Variants in CDKL5 observed in about 807,000 individuals in gnomAD.
CDKL5 encodes the protein cyclin dependent kinase like 5.
A neutral mutation model predicts 61.7 loss-of-function variants in CDKL5; 8 were observed. The observed-to-expected ratio is 0.13, with a 90% CI of 0.08 to 0.23. The LOEUF (loss-of-function observed/expected upper bound fraction) is 0.23. Ranked by LOEUF, CDKL5 falls within the 10% of genes least tolerant of loss-of-function variation. The pLI is 1.00. For missense variants in CDKL5, 440 were observed against 734.5 expected (o/e 0.60, Z 4.63); for synonymous variants, 275 against 272.3 (o/e 1.01, Z -0.10).
At chrX:18,511,095 A>G (rs1569198957) in intron 3 of CDKL5, among the ~76,000 whole-genome samples, 3 of 111,830 alleles carry the variant, frequency 2.7e-5, no homozygotes, top group Admixed American at 9.5e-5. Flanking sequence ...TACTTAATAC[A>G]TATAGCTTGA....
chrX:18,649,470 TG>T (rs1927938005), intron 20 of CDKL5, among the ~76,000 whole-genome samples: 1 of 111,868 alleles, frequency 8.9e-6, no homozygotes, highest in Non-Finnish European at 1.9e-5. Flanking sequence ...GAGACGGCCA[TG>T]CCCTGTCCCC....
chrX:18,613,628 A>G (rs1926633703), intron 15 of CDKL5, among the ~76,000 whole-genome samples: 1 of 111,725 alleles, frequency 9.0e-6, no homozygotes, highest in Non-Finnish European at 1.9e-5. Flanking sequence ...GTCAGTTCTC[A>G]TAGTCACACT....
chrX:18,581,305 T>C (rs1925474074), intron 6 of CDKL5, among the ~76,000 whole-genome samples: 1 of 111,907 alleles, frequency 8.9e-6, no homozygotes, highest in Admixed American at 9.5e-5. Flanking sequence ...CACATCTTCA[T>C]AACATCCATG....
At chrX:18,487,075 T>C (rs2147077640) in intron 1 of CDKL5, among the ~76,000 whole-genome samples, 1 of 112,271 alleles carries the variant, frequency 8.9e-6, no homozygotes, top group South Asian at 3.7e-4. Flanking sequence ...GTGGTTAGGC[T>C]AAATATTGCA....
chrX:18,593,647 T>C (rs921851004), intron 9 of CDKL5, among the ~76,000 whole-genome samples: 3 of 112,199 alleles, frequency 2.7e-5, no homozygotes, highest in South Asian at 3.7e-4. Flanking sequence ...TGTTTAATTA[T>C]GTAACTTGCC....
At chrX:18,473,888 G>A (rs1921202891) in intron 1 of CDKL5, among the ~76,000 whole-genome samples, 1 of 107,073 alleles carries the variant, frequency 9.3e-6, no homozygotes, top group African/African-American at 3.5e-5. Context: ...GCCATCAGGG[G>A]AACTTCGGTT....
At chrX:18,525,203 A>T (rs965101494) in intron 3 of CDKL5, among the ~76,000 whole-genome samples, 1 of 111,716 alleles carries the variant, frequency 9.0e-6, no homozygotes, top group Non-Finnish European at 1.9e-5. Flanking sequence ...GGGTTCAAGC[A>T]CGTCCTAGTC....
In CDKL5 at chrX:18,591,423, T is replaced by G. The variant is rs767176024; in HGVS notation, c.744+3280T>G. 3.6e-5 allele frequency among the ~76,000 whole-genome samples: 4 copies of G among 111,147 alleles called. No individual in the cohort carries two copies. The South Asian group carries it at 1.5e-3, about 43-fold the overall frequency. On this transcript the variant is annotated intron_variant, in intron 9 of 17. Coordinates refer to ENST00000623535, the MANE Select transcript of CDKL5 (RefSeq NM_001323289.2). ...CATTGAAACTCAACTGTATTTCTTT[T>G]CTCTCCATCTCTCATGCTTCTTTTA...
intron 1 of CDKL5, among the ~76,000 whole-genome samples, chrX:18,494,054 A>G (rs1922080822): frequency 9.0e-6 from 1 of 110,678 alleles, no homozygotes; most frequent in African/African-American, 3.3e-5. Flanking sequence ...AGCTGGGAGT[A>G]GCTGGGACTC....
rs931022845 is a variant in CDKL5, at chrX:18,631,616, G to A, written c.*2859G>A. 6.6e-6 allele frequency: 5 copies of A among 753,842 alleles called. No homozygotes were observed. Among genetic ancestry groups the A allele is most frequent in the Non-Finnish European group, 7.8e-6 (5 of 639,243 alleles). 62.1% of individuals were successfully genotyped at this position (753,842 alleles called of 1,213,427 possible). On this transcript the variant is annotated 3_prime_UTR_variant, in exon 18 of 18. Coordinates refer to ENST00000623535, the MANE Select transcript of CDKL5 (RefSeq NM_001323289.2). ...TTCATGACATCCATGTCCTATTATC[G>A]GCCGTAACTTCCTAAAGAAGAAAAA...
chrX:18,462,140 G>T (rs185523912), intron 1 of CDKL5, among the ~76,000 whole-genome samples: 263 of 102,730 alleles, frequency 2.6e-3, no homozygotes, highest in African/African-American at 9.1e-3. Flanking sequence ...TATTTCCTGT[G>T]TGGCCCAAGA....
rs770132814 is a variant in CDKL5, at chrX:18,647,826, C to T, written c.2797+1736C>T. Among the ~76,000 whole-genome samples, 10 of 110,651 alleles carry T rather than the reference C, an allele frequency of 9.0e-5. 1 individual carries two copies. The highest frequency in any genetic ancestry group is 3.0e-4 in the African/African-American group (9 of 30,331). On this transcript the variant is annotated intron_variant, in intron 20 of 21. Coordinates refer to the CDKL5 transcript ENST00000379989. ...AAACCACAGTGAGACGCAAGAAGGG[C>T]GATGACATATTGAGATATAGAGAAT...
intron 9 of CDKL5, among the ~76,000 whole-genome samples, chrX:18,591,271 C>T (rs1234546585): frequency 2.7e-5 from 3 of 112,097 alleles, no homozygotes; most frequent in Non-Finnish European, 5.6e-5. Context: ...GAATATGTTT[C>T]TCAAGGGCAG....
chrX:18,427,782 T>A (rs1931400063), intron 1 of CDKL5, among the ~76,000 whole-genome samples: 1 of 111,912 alleles, frequency 8.9e-6, no homozygotes, highest in Non-Finnish European at 1.9e-5. Flanking sequence ...TGGCTCAGTC[T>A]TAAAATTTAT....
At chrX:18,553,650 G>T (rs1258675731) in intron 3 of CDKL5, among the ~76,000 whole-genome samples, 1 of 110,942 alleles carries the variant, frequency 9.0e-6, no homozygotes, top group East Asian at 2.8e-4. Flanking sequence ...GTGCTACCAC[G>T]CTGGGCTAAT....
intron 14 of CDKL5, 32 bp downstream of exon 14, chrX:18,609,602 C>G: frequency 8.3e-7 from 1 of 1,204,320 alleles, no homozygotes; most frequent in Non-Finnish European, 1.1e-6. Context: ...AACAGGTTCC[C>G]CTCTCCTCCC....
chrX:18,530,655 A>G (rs1347577413), intron 3 of CDKL5, among the ~76,000 whole-genome samples: 3 of 112,069 alleles, frequency 2.7e-5, no homozygotes, highest in African/African-American at 9.7e-5. Flanking sequence ...AGTCTGTGCC[A>G]TATCTGAGTC....
chrX:18,517,981 C>T (rs185286635), intron 3 of CDKL5, among the ~76,000 whole-genome samples: 208 of 111,210 alleles, frequency 1.9e-3, no homozygotes, highest in African/African-American at 6.6e-3. Flanking sequence ...CTCCAGCCTG[C>T]GCGACAGAGC....
chrX:18,442,274 C>T (rs949969761), intron 1 of CDKL5: 3 of 110,730 alleles, frequency 2.7e-5, no homozygotes, highest in Non-Finnish European at 3.8e-5. Context: ...ATCATATCCT[C>T]AATTTCTGTG....
Sources: allele counts gnomAD v4.1 joint callset (sites outside exome capture counted in the v4.1 genomes callset), GRCh38; gene constraint gnomAD v4.1.1; transcripts MANE v1.5; gene names NCBI Gene and HGNC (gene_info 2026-07-23, HGNC 2026-07-21).